CAMK4: variants seen among roughly 807,000 people sequenced by gnomAD.
CAMK4 encodes calcium/calmodulin dependent protein kinase IV, also known as calcium/calmodulin-dependent protein kinase type IV.
In CAMK4, 22 loss-of-function variants were observed where a neutral mutation model predicts 44.9. The ratio of observed to expected loss-of-function variants is 0.49; its 90% confidence interval spans 0.35 to 0.70. The LOEUF is 0.70. Among genes scored for constraint, CAMK4 ranks in the 30% least tolerant of loss-of-function variants. The pLI is 0.01. For synonymous variants in CAMK4, 218 were observed against 215.4 expected, an observed-to-expected ratio of 1.01 and a Z score of -0.11; for missense variants, 498 against 586.8, an observed-to-expected ratio of 0.85 and a Z score of 1.56.
intron 2 of CAMK4, among the ~76,000 whole-genome samples, chr5:111,374,644 A>G (rs1478398710): frequency 1.3e-5 from 2 of 152,134 alleles, no homozygotes; most frequent in African/African-American, 2.4e-5. Flanking sequence ...TGTGATGCAT[A>G]CTAGTTTCTG....
intron 7 of CAMK4, among the ~76,000 whole-genome samples, chr5:111,460,000 A>G (rs1238248981): frequency 6.6e-6 from 1 of 152,086 alleles, no homozygotes; most frequent in African/African-American, 2.4e-5. Flanking sequence ...CAACTCTATT[A>G]TTATATATGT....
chr5:111,410,204 G>T (rs140021772), intron 5 of CAMK4, among the ~76,000 whole-genome samples: 12 of 152,068 alleles, frequency 7.9e-5, no homozygotes, highest in African/African-American at 2.9e-4. Context: ...AAAGGAAAGA[G>T]GTTTAATTGA....
intron 5 of CAMK4, among the ~76,000 whole-genome samples, chr5:111,411,372 C>A (rs757600433): frequency 6.6e-6 from 1 of 152,180 alleles, no homozygotes; most frequent in South Asian, 2.1e-4. Context: ...AATGTGACAG[C>A]AGTTGTAGGT....
intron 1 of CAMK4, chr5:111,277,476 A>G (rs1288208407): frequency 6.6e-6 from 1 of 152,200 alleles, no homozygotes; most frequent in African/African-American, 2.4e-5. Flanking sequence ...AACAGACTAG[A>G]AGCTATCTTA....
At chr5:111,373,926 C>T (rs1211926815) in intron 2 of CAMK4, among the ~76,000 whole-genome samples, 2 of 152,074 alleles carry the variant, frequency 1.3e-5, no homozygotes, top group African/African-American at 2.4e-5. Flanking sequence ...AATGCCAACT[C>T]ATTGTGATTA....
chr5:111,238,793 C>T (rs1748857406), intron 1 of CAMK4, among the ~76,000 whole-genome samples: 1 of 131,824 alleles, frequency 7.6e-6, no homozygotes, highest in South Asian at 2.7e-4. Context: ...CTAAAGCTGA[C>T]TCTCAGAGGC....
intron 5 of CAMK4, among the ~76,000 whole-genome samples, chr5:111,421,625 C>T (rs764593581): frequency 6.6e-5 from 10 of 152,096 alleles, no homozygotes; most frequent in Non-Finnish European, 1.2e-4. Flanking sequence ...GTAGTTATTT[C>T]TGTTTTGCTT....
intron 1 of CAMK4, chr5:111,302,544 A>T (rs1747773502): frequency 8.6e-6 from 1 of 116,128 alleles, no homozygotes; most frequent in African/African-American, 3.7e-5. Flanking sequence ...GACCGGCTTA[A>T]GAAACGGCGC....
intron 2 of CAMK4, among the ~76,000 whole-genome samples, chr5:111,352,423 C>T (rs1486562337): frequency 1.3e-5 from 2 of 151,908 alleles, no homozygotes; most frequent in East Asian, 3.9e-4. Flanking sequence ...ATTTTATAGC[C>T]ATTAACAATA....
chr5:111,297,733 C>A (rs1747550848), intron 1 of CAMK4, among the ~76,000 whole-genome samples: 1 of 152,268 alleles, frequency 6.6e-6, no homozygotes, highest in South Asian at 2.1e-4. Flanking sequence ...TCCCGTTGTA[C>A]CAATACAAAT....
chr5:111,341,571 T>G (rs941939685), intron 1 of CAMK4, among the ~76,000 whole-genome samples: 3 of 151,112 alleles, frequency 2.0e-5, no homozygotes, highest in Non-Finnish European at 4.4e-5. Context: ...AAAAATAAAA[T>G]TACACTAGGA....
chr5:111,397,319 G>A (rs1248228780), intron 5 of CAMK4, among the ~76,000 whole-genome samples: 2 of 152,152 alleles, frequency 1.3e-5, no homozygotes, highest in East Asian at 1.9e-4. Context: ...GAGATAACTT[G>A]CGGAAATCAT....
intron 1 of CAMK4, among the ~76,000 whole-genome samples, chr5:111,233,363 A>C (rs1748562300): frequency 6.6e-6 from 1 of 152,220 alleles, no homozygotes; most frequent in African/African-American, 2.4e-5. Flanking sequence ...CTACAGTTAC[A>C]GTTCTTACCA....
chr5:111,292,060 G>T (rs1370539682), intron 1 of CAMK4, among the ~76,000 whole-genome samples: 2 of 152,166 alleles, frequency 1.3e-5, no homozygotes, highest in African/African-American at 2.4e-5. Context: ...GTGGTCCTCA[G>T]AGGAATAAAG....
At chr5:111,461,342 G>A (rs1754635771) in intron 7 of CAMK4, among the ~76,000 whole-genome samples, 1 of 152,136 alleles carries the variant, frequency 6.6e-6, no homozygotes, top group Admixed American at 6.5e-5. Context: ...GGAAGTCTCA[G>A]GTGTGATTCA....
intron 1 of CAMK4, among the ~76,000 whole-genome samples, chr5:111,297,918 A>G (rs1337639702): frequency 6.6e-6 from 1 of 152,220 alleles, no homozygotes; most frequent in Non-Finnish European, 1.5e-5. Flanking sequence ...TTAGACACAC[A>G]GGATTTGCGT....
At chr5:111,387,278 T>C (rs1450372623) in intron 4 of CAMK4, among the ~76,000 whole-genome samples, 3 of 152,160 alleles carry the variant, frequency 2.0e-5, no homozygotes, top group Non-Finnish European at 4.4e-5. Context: ...CGTATAAAGC[T>C]ATAAAACCTT....
rs147362948 is a variant in CAMK4, at chr5:111,451,398, A to G, written c.625+2195A>G. Among the ~76,000 whole-genome samples the G allele has an allele frequency of 2.8e-3, 433 of 152,176 alleles. 6 individuals are homozygous for G. Among genetic ancestry groups the G allele is most frequent in the African/African-American group, 9.9e-3 (410 of 41,518 alleles). ...TAGTAACCTTTGCCTCCCGGGTTCA[A>G]TTGATTCTCATTCCTCAGCCTCCCA... On this transcript the variant is annotated intron_variant, in intron 7 of 10. Coordinates refer to ENST00000282356, the MANE Select transcript of CAMK4 (RefSeq NM_001744.6).
intron 1 of CAMK4, among the ~76,000 whole-genome samples, chr5:111,319,153 T>G (rs1295918638): frequency 6.6e-6 from 1 of 152,166 alleles, no homozygotes; most frequent in Non-Finnish European, 1.5e-5. Flanking sequence ...TTAACTACAA[T>G]TCAAGGCAGT....
Sources: gnomAD v4.1 joint callset for allele counts (sites outside exome capture counted in the v4.1 genomes callset) on GRCh38, gnomAD v4.1.1 for gene constraint, MANE v1.5 for transcripts, NCBI Gene and HGNC (gene_info 2026-07-23, HGNC 2026-07-21) for gene names.